Variants in ZDHHC23 observed in about 807,000 individuals in gnomAD.
The protein encoded by ZDHHC23 is zDHHC palmitoyltransferase 23, also known as palmitoyltransferase ZDHHC23.
A neutral mutation model predicts 40.2 loss-of-function variants in ZDHHC23; 41 were observed. That is an observed-to-expected ratio of 1.02 (90% CI 0.79 to 1.32). The LOEUF is 1.32. Among genes scored for constraint, ZDHHC23 ranks in the 40% most tolerant of loss-of-function variants. The pLI is 0.00. For synonymous variants in ZDHHC23, 204 were observed against 210.2 expected, an observed-to-expected ratio of 0.97 and a Z score of 0.26; for missense variants, 471 against 541.5, an observed-to-expected ratio of 0.87 and a Z score of 1.29.
At chr3:113,971,467 T>G in the ZDHHC23 span, among the ~76,000 whole-genome samples, 55 of 152,342 alleles carry the variant, frequency 3.6e-4, 1 homozygote, top group East Asian at 0.01. Context: ...TCTGTTAATG[T>G]GATGTATCAT....
downstream of ZDHHC23, among the ~76,000 whole-genome samples, chr3:113,966,688 T>C (rs1255574663): frequency 2.0e-5 from 3 of 152,224 alleles, no homozygotes; most frequent in African/African-American, 7.2e-5. Context: ...ATGGGATTTG[T>C]TCTGGCCTCT....
At chr3:113,970,241 G>GT (rs1480633446), downstream of ZDHHC23, among the ~76,000 whole-genome samples, 7 of 152,022 alleles carry the variant, frequency 4.6e-5, no homozygotes, top group South Asian at 1.2e-3. Flanking sequence ...AGATCTAACA[G>GT]TTTTTTTTGG....
rs1042337035 is a variant in ZDHHC23 at position 113,962,055 on chromosome 3, T to C, written c.*3425T>C. The C allele has an allele frequency of 1.3e-5, 2 of 152,614 alleles. No individual in the cohort carries two copies. The highest frequency in any genetic ancestry group is 1.9e-4 in the East Asian group (1 of 5,200). The allele number at this position is 152,614 out of a possible 1,614,324, so 9.5% of individuals were successfully genotyped here. On this transcript the variant is annotated 3_prime_UTR_variant, in exon 5 of 5. Transcript: ENST00000638807. ...TTCTGGTACCTTCCATTTTGAAAAGTAGAGGTTGCTTAAGCAAGCAATGGA... is the reference window on the plus strand; with the variant it reads ...TTCTGGTACCTTCCATTTTGAAAAGCAGAGGTTGCTTAAGCAAGCAATGGA...
Position 113,960,689 on chromosome 3 carries a change from A to T in ZDHHC23, c.*2059A>T. 1 of 1,606,556 alleles carries T rather than the reference A, an allele frequency of 6.2e-7. No homozygotes were observed. The highest frequency in any genetic ancestry group is 8.5e-7 in the Non-Finnish European group (1 of 1,177,400). ...TAATTTGGGAGAATTAGGAATGATG[A>T]CAATTTTTTTTAACAACTTACCTCT... On this transcript the variant is annotated 3_prime_UTR_variant, in exon 5 of 5. Transcript: ENST00000638807.
At chr3:113,951,393 C>T (rs944724291) in intron 2 of ZDHHC23, among the ~76,000 whole-genome samples, 1 of 152,216 alleles carries the variant, frequency 6.6e-6, no homozygotes, top group Non-Finnish European at 1.5e-5. Flanking sequence ...CTCTGGATGC[C>T]TGCAGCATTG....
Position 113,950,437 on chromosome 3 carries a change from A to G in ZDHHC23, c.161+1474A>G, listed in dbSNP as rs543747564. On this transcript the variant is annotated intron_variant, in intron 2 of 4. Coordinates refer to ENST00000638807, the MANE Select transcript of ZDHHC23 (RefSeq NM_001320466.2). ...ATAGATGACACCTTCTTGGTGTGTCATGACATGGCAGAAGGGGTGAATAAG... is the reference window on the plus strand; with the variant it reads ...ATAGATGACACCTTCTTGGTGTGTCGTGACATGGCAGAAGGGGTGAATAAG... Among the ~76,000 whole-genome samples, 10 of 152,266 alleles carry G rather than the reference A, an allele frequency of 6.6e-5. No individual in the cohort carries two copies. In the East Asian group the frequency reaches 1.9e-3, roughly 29 times the overall value.
At chr3:113,957,656 C>T in intron 4 of ZDHHC23, 1 of 478,572 alleles carries the variant, frequency 2.1e-6, no homozygotes. Context: ...GTCCCTTCAG[C>T]TTTTACAAAT....
At chr3:113,951,049 G>A (rs1040877394) in intron 2 of ZDHHC23, among the ~76,000 whole-genome samples, 4 of 152,188 alleles carry the variant, frequency 2.6e-5, no homozygotes, top group African/African-American at 4.8e-5. Context: ...GGGTGTCCCC[G>A]CCACCACAGC....
Position 113,962,800 on chromosome 3 carries a change from G to A in ZDHHC23, c.*4170G>A, listed in dbSNP as rs538319299. On this transcript the variant is annotated 3_prime_UTR_variant, in exon 5 of 5. Coordinates refer to ENST00000638807, the MANE Select transcript of ZDHHC23 (RefSeq NM_001320466.2). ...AAGGGGGATTTCTGAAGCCAACTCCGGAGGCTGTGGGCTGCACATTTTGCA... is the reference window on the plus strand; with the variant it reads ...AAGGGGGATTTCTGAAGCCAACTCCAGAGGCTGTGGGCTGCACATTTTGCA... 6.6e-6 allele frequency: 1 copy of A among 152,232 alleles called. No individual in the cohort carries two copies. The highest frequency in any genetic ancestry group is 1.5e-5 in the Non-Finnish European group (1 of 68,006). The allele number at this position is 152,232 out of a possible 1,614,324, so 9.4% of individuals were successfully genotyped here. A position where few individuals can be genotyped will look rare whatever the true frequency, so the allele number is the denominator to read the frequency against.
At position 113,958,633 on chromosome 3, in the gene ZDHHC23, T is replaced by C. The variant is rs1559850753; in HGVS notation, c.*3T>C. 1 of 1,595,812 alleles carries C rather than the reference T, an allele frequency of 6.3e-7. No individual in the cohort carries two copies. The highest frequency in any genetic ancestry group is 2.2e-5 in the East Asian group (1 of 44,792). ...ACCCTGCCGAGGACATTGTCTGAAG[T>C]GCCTTCTATGTGGCTCTCTGAGGGA... On this transcript the variant is annotated 3_prime_UTR_variant, in exon 5 of 5. Transcript: ENST00000638807.
rs552495396 is a variant in ZDHHC23, at chr3:113,948,891, A to G, written c.89A>G (p.Asp30Gly). ...LEPLCCCEYI[D>G]RNGEKNHVAT... is the part of the protein sequence containing the mutation. ...CCCCTGTGCTGCTGCGAGTACATAGATCGGAATGGGGAAAAGAACCACGTG... is the reference window on the plus strand; with the variant it reads ...CCCCTGTGCTGCTGCGAGTACATAGGTCGGAATGGGGAAAAGAACCACGTG... Residue 30 changes from aspartate (D) to glycine (G), a missense_variant, in exon 2 of 5, where the codon GAT (aspartate) becomes GGT (glycine). This residue lies in a region of ZDHHC23 where 83 missense variants were observed against 67.8 expected (regional missense o/e 1.22). Coordinates refer to ENST00000638807, the MANE Select transcript of ZDHHC23 (RefSeq NM_001320466.2). The G allele has an allele frequency of 1.2e-6, 2 of 1,614,208 alleles. No homozygotes were observed. Among genetic ancestry groups the G allele is most frequent in the African/African-American group, 2.7e-5 (2 of 75,046 alleles).
At chr3:113,958,296 G>T in intron 4 of ZDHHC23, 67 bp from the exon 5 acceptor site, 1 of 1,424,346 alleles carries the variant, frequency 7.0e-7, no homozygotes, top group South Asian at 1.3e-5. Flanking sequence ...TGTAAAACGT[G>T]AGAATGATGA....
intron 4 of ZDHHC23, among the ~76,000 whole-genome samples, chr3:113,957,396 A>G (rs556855916): frequency 1.3e-5 from 2 of 152,234 alleles, no homozygotes; most frequent in Admixed American, 1.3e-4. Context: ...CATTATTAGA[A>G]TAGATTGGTC....
Position 113,962,782 on chromosome 3 carries a change from A to G in ZDHHC23, c.*4152A>G, listed in dbSNP as rs926497040. 1 of 152,024 alleles carries G rather than the reference A, an allele frequency of 6.6e-6. No individual in the cohort carries two copies. Among genetic ancestry groups the G allele is most frequent in the African/African-American group, 2.4e-5 (1 of 41,372 alleles). The allele number at this position is 152,024 out of a possible 1,614,324, so 9.4% of individuals were successfully genotyped here. On this transcript the variant is annotated 3_prime_UTR_variant, in exon 5 of 5. Transcript: ENST00000638807. ...AACTGGTCTAGCAACATTAAGGGGG[A>G]TTTCTGAAGCCAACTCCGGAGGCTG...
At chr3:113,955,311 A>G (rs1230264516) in intron 3 of ZDHHC23, among the ~76,000 whole-genome samples, 1 of 152,006 alleles carries the variant, frequency 6.6e-6, no homozygotes, top group African/African-American at 2.4e-5. Context: ...TTAGAAGTAA[A>G]CAGGTGTTTT....
intron 2 of ZDHHC23, among the ~76,000 whole-genome samples, chr3:113,951,950 C>G (rs1393917399): frequency 6.6e-6 from 1 of 152,100 alleles, no homozygotes; most frequent in Admixed American, 6.5e-5. Flanking sequence ...CCAGCCTGAA[C>G]GACATGGAGA....
In ZDHHC23 at chr3:113,959,529, C is replaced by A; in HGVS notation, c.*899C>A. The A allele has an allele frequency of 7.8e-7, 1 of 1,278,190 alleles. No homozygotes were observed. The highest frequency in any genetic ancestry group is 1.0e-6 in the Non-Finnish European group (1 of 979,514). The allele number at this position is 1,278,190 out of a possible 1,614,324, so 79.2% of individuals were successfully genotyped here. A position where few individuals can be genotyped will look rare whatever the true frequency, so the allele number is the denominator to read the frequency against. On this transcript the variant is annotated 3_prime_UTR_variant, in exon 5 of 5. Transcript: ENST00000638807. ...TTCCCATGTTTCACCAGGTAAGGTGCTAGCACACTTGTGACTGTGGCTGGA... is the reference window on the plus strand; with the variant it reads ...TTCCCATGTTTCACCAGGTAAGGTGATAGCACACTTGTGACTGTGGCTGGA...
intron 3 of ZDHHC23, among the ~76,000 whole-genome samples, chr3:113,954,821 A>T (rs1939016793): frequency 6.6e-6 from 1 of 152,046 alleles, no homozygotes; most frequent in Admixed American, 6.5e-5. Context: ...TTTTTAGGTG[A>T]CTCTTTTGTC....
At chr3:113,971,252 G>A in the ZDHHC23 span, among the ~76,000 whole-genome samples, 11 of 152,120 alleles carry the variant, frequency 7.2e-5, no homozygotes, top group Middle Eastern at 3.4e-3. Flanking sequence ...TTTAATGATC[G>A]CCATTCTAAC....
Sources: gnomAD v4.1 joint callset for allele counts (sites outside exome capture counted in the v4.1 genomes callset) on GRCh38, gnomAD v4.1.1 for gene constraint, gnomAD v4.1.1 regional missense constraint, MANE v1.5 for transcripts, NCBI Gene and HGNC (gene_info 2026-07-23, HGNC 2026-07-21) for gene names.